Variants in TMEM131L observed in about 807,000 individuals in gnomAD.
The protein encoded by TMEM131L is transmembrane 131 like, also known as transmembrane protein 131-like.
In TMEM131L, 54 loss-of-function variants were observed where a neutral mutation model predicts 192.2. The observed-to-expected ratio is 0.28, with a 90% CI of 0.23 to 0.35. TMEM131L has a LOEUF of 0.35. Ranked by LOEUF, TMEM131L falls within the 10% of genes least tolerant of loss-of-function variation. The pLI is 1.00. For synonymous variants in TMEM131L, 701 were observed against 704.9 expected (o/e 0.99, Z 0.09); for missense variants, 1,888 against 1,972.9 (o/e 0.96, Z 0.82).
intron 31 of TMEM131L, among the ~76,000 whole-genome samples, chr4:153,628,202 A>G (rs1207508961): frequency 6.6e-6 from 1 of 152,216 alleles, no homozygotes; most frequent in African/African-American, 2.4e-5. Context: ...TTGCTCAGGC[A>G]TCAGTGCTGA....
rs79184266 is a variant in TMEM131L, at chr4:153,481,363, G to A, written c.239+7475G>A. ...GAAGAGCTGAAGGAATGGGTGAAGGGCTGACAACTGGGTGAAGAGCTGCAG... is the reference window on the plus strand; with the variant it reads ...GAAGAGCTGAAGGAATGGGTGAAGGACTGACAACTGGGTGAAGAGCTGCAG... On this transcript the variant is annotated intron_variant, in intron 3 of 34. Transcript: ENST00000409959. Among the ~76,000 whole-genome samples, 1,458 of 152,182 alleles carry A rather than the reference G, an allele frequency of 9.6e-3. 19 individuals are homozygous for A. The highest frequency in any genetic ancestry group is 0.031 in the African/African-American group (1,306 of 41,528).
chr4:153,485,140 A>T (rs1175394618), intron 3 of TMEM131L, among the ~76,000 whole-genome samples: 3 of 151,630 alleles, frequency 2.0e-5, no homozygotes, highest in African/African-American at 7.3e-5. Flanking sequence ...AAAAAAAAAA[A>T]AAAAATCAGC....
In TMEM131L at chr4:153,555,787, G is replaced by T; in HGVS notation, c.309G>T (p.Gln103His). 6.4e-7 allele frequency: 1 copy of T among 1,550,740 alleles called. No homozygotes were observed. Among genetic ancestry groups the T allele is most frequent in the Non-Finnish European group, 8.7e-7 (1 of 1,146,286 alleles). Residue 103 changes from glutamine to histidine, a missense_variant and splice_region_variant, in exon 5 of 35, where the codon CAG (glutamine) becomes CAT (histidine). Transcript: ENST00000409959. The surrounding 1 kb of genome is among the most constrained non-coding windows in gnomAD (Gnocchi z 4.1). ...TTTTTCTCTTTGTTTCTCCTCCTAG[G>T]TTCCTGGGACATCCTGTAGCAAAGA... ...FQPSVLDFGI[Q>H]FLGHPVAKIL...
intron 3 of TMEM131L, among the ~76,000 whole-genome samples, chr4:153,499,711 C>T (rs147751806): frequency 9.2e-5 from 14 of 152,234 alleles, no homozygotes; most frequent in African/African-American, 2.6e-4. Context: ...AGGCGTGAAC[C>T]GCCGTGCCCA....
At chr4:153,569,384 A>G (rs749009374) in intron 7 of TMEM131L, among the ~76,000 whole-genome samples, 4 of 152,162 alleles carry the variant, frequency 2.6e-5, no homozygotes, top group African/African-American at 4.8e-5. Context: ...TTTGAGATGG[A>G]TTAGATAAAT....
chr4:153,541,474 G>A (rs1736772387), intron 3 of TMEM131L, among the ~76,000 whole-genome samples: 1 of 152,204 alleles, frequency 6.6e-6, no homozygotes, highest in Non-Finnish European at 1.5e-5. Flanking sequence ...GTAGGCCAAG[G>A]CACTCACTGG....
intron 31 of TMEM131L, among the ~76,000 whole-genome samples, chr4:153,632,118 G>T (rs1734252026): frequency 6.6e-6 from 1 of 152,190 alleles, no homozygotes; most frequent in Admixed American, 6.5e-5. Context: ...TTTGAGAGCA[G>T]CCTGGTCAAC....
chr4:153,511,105 A>G (rs975235246), intron 3 of TMEM131L, among the ~76,000 whole-genome samples: 3 of 152,260 alleles, frequency 2.0e-5, no homozygotes, highest in Non-Finnish European at 4.4e-5. Flanking sequence ...CAGAACTACC[A>G]TTCGACTCAG....
chr4:153,568,901 AAG>A (rs1729402294), intron 7 of TMEM131L, among the ~76,000 whole-genome samples: 1 of 152,218 alleles, frequency 6.6e-6, no homozygotes, highest in Admixed American at 6.5e-5. Flanking sequence ...CAGCCAGGGT[AAG>A]AGAGCCAGGA....
At chr4:153,605,544 T>A (rs190454218) in intron 25 of TMEM131L, among the ~76,000 whole-genome samples, 114 of 152,212 alleles carry the variant, frequency 7.5e-4, no homozygotes, top group African/African-American at 2.6e-3. Flanking sequence ...ATTTTTGTAC[T>A]GTTTTGTAGA....
chr4:153,562,956 T>C (rs1377455922), intron 7 of TMEM131L, among the ~76,000 whole-genome samples: 1 of 152,220 alleles, frequency 6.6e-6, no homozygotes, highest in Non-Finnish European at 1.5e-5. Flanking sequence ...GCCATCTAAT[T>C]TTTAGATTTT....
Position 153,576,424 on chromosome 4 carries a change from CT to C in TMEM131L, c.661-4401del, listed in dbSNP as rs530898559. Among the ~76,000 whole-genome samples the C allele has an allele frequency of 2.6e-4, 40 of 152,298 alleles. 1 individual carries two copies. The South Asian group carries it at 6.2e-3, about 24-fold the overall frequency. The stretch of plus-strand genomic sequence containing the variant: ...CAAAATAGTGATTTTTAAAATGCCT[CT>C]CGCTAATAGAAGAATCTTAATTAAA... On this transcript the variant is annotated intron_variant, in intron 7 of 34. Coordinates refer to ENST00000409959, the MANE Select transcript of TMEM131L (RefSeq NM_001131007.2).
At chr4:153,593,542 G>A (rs1485967420) in intron 18 of TMEM131L, among the ~76,000 whole-genome samples, 4 of 152,010 alleles carry the variant, frequency 2.6e-5, no homozygotes, top group African/African-American at 9.7e-5. Context: ...CTTACATCCT[G>A]TGATGCCAAA....
intron 3 of TMEM131L, among the ~76,000 whole-genome samples, chr4:153,535,518 G>A (rs1382995848): frequency 2.0e-5 from 3 of 152,264 alleles, no homozygotes; most frequent in South Asian, 4.1e-4. Context: ...AGAGGAGACT[G>A]AGAGGTGGCC....
chr4:153,562,759 C>T (rs1728927772), intron 7 of TMEM131L, among the ~76,000 whole-genome samples: 3 of 152,174 alleles, frequency 2.0e-5, no homozygotes, highest in Admixed American at 2.0e-4. Context: ...ATGTCATCAG[C>T]TTTTCTTTAA....
chr4:153,499,724 C>T (rs982739033), intron 3 of TMEM131L, among the ~76,000 whole-genome samples: 1 of 152,178 alleles, frequency 6.6e-6, no homozygotes, highest in Non-Finnish European at 1.5e-5. Flanking sequence ...CGTGCCCAGC[C>T]CCTTATGACA....
At chr4:153,546,214 CTTT>C (rs539302643) in intron 3 of TMEM131L, among the ~76,000 whole-genome samples, 2 of 137,992 alleles carry the variant, frequency 1.4e-5, no homozygotes, top group African/African-American at 2.6e-5. Context: ...TAACTAGGAG[CTTT>C]TTTTTTTTTT....
Position 153,555,843 on chromosome 4 carries a change from G to A in TMEM131L, c.365G>A (p.Ser122Asn). ...CATGCTTACAACCCTAGTAGGGACA[G>A]CGAGGTTGTGGTGAATTCAGTGTTT... ...ILHAYNPSRD[S>N]EVVVNSVFAA... Residue 122 changes from serine (S) to asparagine (N), a missense_variant, in exon 5 of 35, where the codon AGC (serine) becomes AAC (asparagine). Transcript: ENST00000409959. This position sits in a 1 kb window ranked among gnomAD's most constrained non-coding sequence, Gnocchi z 4.1. The A allele has an allele frequency of 1.3e-6, 2 of 1,551,596 alleles. No homozygotes were observed. Among genetic ancestry groups the A allele is most frequent in the Non-Finnish European group, 8.7e-7 (1 of 1,146,874 alleles).
chr4:153,475,358 T>C (rs1256347555), intron 3 of TMEM131L, among the ~76,000 whole-genome samples: 1 of 152,220 alleles, frequency 6.6e-6, no homozygotes, highest in Non-Finnish European at 1.5e-5. Flanking sequence ...TTAGAGAATA[T>C]ACGGATAGTG....
Sources: allele counts gnomAD v4.1 joint callset (sites outside exome capture counted in the v4.1 genomes callset), GRCh38; gene constraint gnomAD v4.1.1; non-coding constraint Gnocchi (gnomAD v3.1); transcripts MANE v1.5; gene names NCBI Gene and HGNC (gene_info 2026-07-23, HGNC 2026-07-21).